Variants in LIN7A observed in about 807,000 individuals in gnomAD.
The protein encoded by LIN7A is protein lin-7 homolog A.
A neutral mutation model predicts 29.8 loss-of-function variants in LIN7A; 25 were observed. That is an observed-to-expected ratio of 0.84 (90% CI 0.61 to 1.17). LIN7A has a LOEUF of 1.17. Among genes scored for constraint, LIN7A ranks in the 50% most tolerant of loss-of-function variants. The pLI, the probability that LIN7A is intolerant of heterozygous loss-of-function variation, is 0.00. For synonymous variants in LIN7A, 118 were observed against 107.5 expected (o/e 1.10, Z -0.60); for missense variants, 239 against 287.0 (o/e 0.83, Z 1.21).
chr12:80,862,786 C>T lies in LIN7A; in HGVS notation c.202-14464G>A, dbSNP rs116251528. Among the ~76,000 whole-genome samples the T allele has an allele frequency of 3.8e-3, 573 of 152,282 alleles. 1 individual carries two copies. Among genetic ancestry groups the T allele is most frequent in the African/African-American group, 0.013 (542 of 41,562 alleles). ...CCCACTTCATTACAAGTTGTTGTAA[C>T]AGGAAGGCAGAGCATTGCCTTGTTC... On this transcript the variant is annotated intron_variant, in intron 2 of 5. Coordinates refer to ENST00000552864, the MANE Select transcript of LIN7A (RefSeq NM_004664.4).
intron 4 of LIN7A, among the ~76,000 whole-genome samples, chr12:80,833,394 C>T (rs747028576): frequency 3.3e-5 from 5 of 152,180 alleles, no homozygotes; most frequent in Admixed American, 6.5e-5. Flanking sequence ...CAAATCTTTT[C>T]CTTTCTCTCC....
chr12:80,904,679 A>T (rs969887194), intron 1 of LIN7A, among the ~76,000 whole-genome samples: 37 of 152,304 alleles, frequency 2.4e-4, no homozygotes, highest in East Asian at 1.2e-3. Context: ...TATAGGTTGA[A>T]TATCCCTAAT....
intron 2 of LIN7A, among the ~76,000 whole-genome samples, chr12:80,878,922 AAGAC>A (rs1288167852): frequency 2.3e-4 from 35 of 152,326 alleles, no homozygotes; most frequent in African/African-American, 7.5e-4. Flanking sequence ...ATCCTCTTGT[AAGAC>A]AGAAAAGTTC....
chr12:80,822,096 G>A (rs887428617), intron 4 of LIN7A, among the ~76,000 whole-genome samples: 5 of 152,164 alleles, frequency 3.3e-5, no homozygotes, highest in Non-Finnish European at 7.3e-5. Context: ...AAGGAAAGAG[G>A]TTTAATTGAC....
chr12:80,869,099 G>T (rs1192715824), intron 2 of LIN7A, among the ~76,000 whole-genome samples: 1 of 151,382 alleles, frequency 6.6e-6, no homozygotes, highest in Non-Finnish European at 1.5e-5. Flanking sequence ...TGGAGAAAGG[G>T]CATTGGCATG....
chr12:80,879,645 CAAA>C (rs530877505), intron 2 of LIN7A, among the ~76,000 whole-genome samples: 4 of 58,732 alleles, frequency 6.8e-5, no homozygotes, highest in East Asian at 1.3e-3. Context: ...TGGAGCAGCC[CAAA>C]AAAAAAAAAA....
chr12:80,910,476 G>T (rs1876697350), intron 1 of LIN7A, among the ~76,000 whole-genome samples: 1 of 152,126 alleles, frequency 6.6e-6, no homozygotes, highest in South Asian at 2.1e-4. Flanking sequence ...TAAGAGTAAA[G>T]AATTCAGCCT....
chr12:80,830,928 C>T (rs1872319248), intron 4 of LIN7A, among the ~76,000 whole-genome samples: 1 of 152,210 alleles, frequency 6.6e-6, no homozygotes, highest in South Asian at 2.1e-4. Flanking sequence ...GCACCACACT[C>T]TCCCTGCCAT....
At chr12:80,846,237 T>C (rs1303198914) in intron 3 of LIN7A, among the ~76,000 whole-genome samples, 1 of 152,168 alleles carries the variant, frequency 6.6e-6, no homozygotes, top group East Asian at 1.9e-4. Flanking sequence ...ATTCTTCCTA[T>C]TCCTGGAGTC....
At chr12:80,881,676 T>C (rs569637107) in intron 2 of LIN7A, among the ~76,000 whole-genome samples, 33 of 152,206 alleles carry the variant, frequency 2.2e-4, no homozygotes, top group African/African-American at 7.0e-4. Flanking sequence ...TGTTTGCTCT[T>C]ACTTAACCTA....
chr12:80,925,443 C>G (rs1269953046), intron 1 of LIN7A, among the ~76,000 whole-genome samples: 1 of 152,172 alleles, frequency 6.6e-6, no homozygotes, highest in African/African-American at 2.4e-5. Context: ...GTCCTTGTCT[C>G]TTGGCAGGAG....
At chr12:80,819,276 G>A (rs1871683287) in intron 4 of LIN7A, among the ~76,000 whole-genome samples, 1 of 152,120 alleles carries the variant, frequency 6.6e-6, no homozygotes, top group South Asian at 2.1e-4. Flanking sequence ...ATTTTATGAT[G>A]TTTCATCTTT....
intron 1 of LIN7A, among the ~76,000 whole-genome samples, chr12:80,933,970 A>G (rs891308937): frequency 6.6e-6 from 1 of 152,188 alleles, no homozygotes; most frequent in Non-Finnish European, 1.5e-5. Flanking sequence ...GCACTGGCAC[A>G]GTGTATAAAA....
In LIN7A at chr12:80,867,113, A is replaced by G. The variant is rs546779468; in HGVS notation, c.202-18791T>C. Among the ~76,000 whole-genome samples the G allele has an allele frequency of 9.9e-5, 15 of 152,168 alleles. No individual in the cohort carries two copies. The South Asian group carries it at 3.1e-3, about 32-fold the overall frequency. On this transcript the variant is annotated intron_variant, in intron 2 of 5. Coordinates refer to ENST00000552864, the MANE Select transcript of LIN7A (RefSeq NM_004664.4). ...GTTACAGGTATGTACCACTGTGCCCAGCTAAGTTTCACATTTTTTGTAGAG... is the reference window on the plus strand; with the variant it reads ...GTTACAGGTATGTACCACTGTGCCCGGCTAAGTTTCACATTTTTTGTAGAG...
intron 4 of LIN7A, among the ~76,000 whole-genome samples, chr12:80,815,165 G>C (rs1871473816): frequency 6.6e-6 from 1 of 151,800 alleles, no homozygotes; most frequent in African/African-American, 2.4e-5. Flanking sequence ...AAATACTTTT[G>C]AGTACATATG....
intron 3 of LIN7A, among the ~76,000 whole-genome samples, chr12:80,847,149 G>A (rs1873115418): frequency 6.6e-6 from 1 of 152,172 alleles, no homozygotes; most frequent in Admixed American, 6.5e-5. Flanking sequence ...ATGCAATGCA[G>A]ACAGCCCAGA....
chr12:80,874,449 A>G (rs1438303448), intron 2 of LIN7A, among the ~76,000 whole-genome samples: 1 of 152,238 alleles, frequency 6.6e-6, no homozygotes, highest in Non-Finnish European at 1.5e-5. Context: ...CCAATTATAC[A>G]ATGATTAGTA....
At chr12:80,848,149 T>C in intron 3 of LIN7A, 102 bp downstream of exon 3, 2 of 855,466 alleles carry the variant, frequency 2.3e-6, no homozygotes, top group Non-Finnish European at 3.9e-6. Context: ...ATGTCTAAAT[T>C]CTCTTACAGT....
chr12:80,841,338 GGGAGGGAAGGAA>G (rs1230292693), intron 4 of LIN7A, among the ~76,000 whole-genome samples: 2 of 123,976 alleles, frequency 1.6e-5, no homozygotes, highest in Admixed American at 8.9e-5. Flanking sequence ...AAAAGAAAGA[GGGAGGGAAGGAA>G]GGAAGGAAGG....
Sources: gnomAD v4.1 joint callset for allele counts (sites outside exome capture counted in the v4.1 genomes callset) on GRCh38, gnomAD v4.1.1 for gene constraint, MANE v1.5 for transcripts, NCBI Gene and HGNC (gene_info 2026-07-23, HGNC 2026-07-21) for gene names.